AATF: variants seen among roughly 807,000 people sequenced by gnomAD.
AATF encodes apoptosis antagonizing transcription factor.
In AATF, 48 loss-of-function variants were observed where a neutral mutation model predicts 63.7. That is an observed-to-expected ratio of 0.75 (90% CI 0.60 to 0.96). The LOEUF (loss-of-function observed/expected upper bound fraction) is 0.96, where lower values mean the gene tolerates loss of function less well. AATF is among the 40% of genes least tolerant of loss of function. The pLI is 0.00. For missense variants in AATF, 639 were observed against 685.7 expected, an observed-to-expected ratio of 0.93 and a Z score of 0.76; for synonymous variants, 258 against 247.7, an observed-to-expected ratio of 1.04 and a Z score of -0.39.
chr17:37,032,837 A>C (rs780730764), intron 11 of AATF, among the ~76,000 whole-genome samples: 2 of 152,214 alleles, frequency 1.3e-5, no homozygotes, highest in Non-Finnish European at 2.9e-5. Context: ...ATATTTATTT[A>C]GCCATTCACT....
At chr17:37,056,196 C>T (rs1183572101) in intron 11 of AATF, 1 of 163,768 alleles carries the variant, frequency 6.1e-6, no homozygotes, top group East Asian at 1.8e-4. Flanking sequence ...CATTGTTTTT[C>T]AAGTACTGCC....
Position 36,949,224 on chromosome 17 carries a change from C to A in AATF, c.91+8C>A, listed in dbSNP as rs1389266689. The A allele has an allele frequency of 1.3e-6, 2 of 1,582,586 alleles. No homozygotes were observed. Among genetic ancestry groups the A allele is most frequent in the Non-Finnish European group, 1.7e-6 (2 of 1,166,128 alleles). ...AAGCGGACCCCGAGGAAGGTGAGGC[C>A]GGACTGGGGCAGGCCACGTGCGGAG... On this transcript the variant is annotated splice_region_variant and intron_variant, in intron 1 of 11. Transcript: ENST00000619387.
In AATF at chr17:37,020,943, T is replaced by A. The variant is rs1431723015; in HGVS notation, c.1476T>A (p.Leu492=). The A allele has an allele frequency of 1.2e-6, 2 of 1,611,356 alleles. No individual in the cohort carries two copies. The highest frequency in any genetic ancestry group is 1.7e-6 in the Non-Finnish European group (2 of 1,178,714). The change falls in exon 10 of 12, where the codon CTT becomes CTA. Residue 492 remains leucine (L), a synonymous_variant. Coordinates refer to ENST00000619387, the MANE Select transcript of AATF (RefSeq NM_012138.4). ...CTTGTGAATTTTCCAGGCAGTGGCT[T>A]GCAATCCAGAAGTTACGAAGCAAAA... The part of the protein sequence containing the change: ...NDQVAMGRQW[L]AIQKLRSKIH...
intron 5 of AATF, 77 bp from the exon 6 acceptor site, chr17:36,988,441 TC>T: frequency 7.2e-7 from 1 of 1,380,076 alleles, no homozygotes; most frequent in East Asian, 2.4e-5. Flanking sequence ...ATATTCTCAG[TC>T]CTTTATGTGA....
chr17:37,007,299 C>T (rs1042128598), intron 8 of AATF, among the ~76,000 whole-genome samples: 1 of 151,920 alleles, frequency 6.6e-6, no homozygotes, highest in African/African-American at 2.4e-5. Context: ...GCTATCTTTC[C>T]ACCTCAGCCT....
At chr17:37,012,881 C>T (rs575225825) in intron 8 of AATF, among the ~76,000 whole-genome samples, 1 of 152,216 alleles carries the variant, frequency 6.6e-6, no homozygotes, top group South Asian at 2.1e-4. Context: ...AAGAGCTACA[C>T]TATTAATTAT....
At chr17:36,949,332 C>A in intron 1 of AATF, 116 bp downstream of exon 1, 1 of 980,748 alleles carries the variant, frequency 1.0e-6, no homozygotes, top group Non-Finnish European at 1.4e-6. Flanking sequence ...CTTCGCTTGG[C>A]GCAGAGGAAC....
chr17:37,028,201 T>C (rs1178431164), intron 10 of AATF, among the ~76,000 whole-genome samples: 1 of 151,870 alleles, frequency 6.6e-6, no homozygotes, highest in Non-Finnish European at 1.5e-5. Flanking sequence ...CACTTGAATT[T>C]AGGAATTTGA....
intron 8 of AATF, among the ~76,000 whole-genome samples, chr17:37,007,917 C>A (rs905893243): frequency 2.0e-5 from 3 of 152,182 alleles, no homozygotes; most frequent in Non-Finnish European, 4.4e-5. Flanking sequence ...AGGATGACTT[C>A]TGCTCCAGTT....
At chr17:37,045,296 A>G (rs764546622) in intron 11 of AATF, among the ~76,000 whole-genome samples, 25 of 152,226 alleles carry the variant, frequency 1.6e-4, no homozygotes, top group Non-Finnish European at 1.6e-4. Flanking sequence ...TACGTGGTAA[A>G]TAAGACTGAA....
rs145005758 is a variant in AATF at position 36,970,913 on chromosome 17, G to A, written c.833-15704G>A. Among the ~76,000 whole-genome samples the A allele has an allele frequency of 4.4e-3, 669 of 151,846 alleles. 7 individuals are homozygous for A. Among genetic ancestry groups the A allele is most frequent in the African/African-American group, 0.016 (648 of 41,386 alleles). On this transcript the variant is annotated intron_variant, in intron 4 of 11. Coordinates refer to ENST00000619387, the MANE Select transcript of AATF (RefSeq NM_012138.4). ...AAACTTCAACCTGTACCTCATACTT[G>A]ATATAAAAATTAACACAAGACAGTC...
At chr17:37,038,842 C>T (rs1169355375) in intron 11 of AATF, among the ~76,000 whole-genome samples, 1 of 152,070 alleles carries the variant, frequency 6.6e-6, no homozygotes, top group African/African-American at 2.4e-5. Flanking sequence ...GTACTGAGCA[C>T]CAAATACATT....
intron 11 of AATF, among the ~76,000 whole-genome samples, chr17:37,048,418 T>C (rs1421974705): frequency 7.0e-6 from 1 of 143,278 alleles, no homozygotes; most frequent in Non-Finnish European, 1.5e-5. Flanking sequence ...TTGCCCAGGC[T>C]GGAGTGCAAT....
At chr17:36,957,018 A>G (rs903600284) in intron 4 of AATF, among the ~76,000 whole-genome samples, 5 of 152,256 alleles carry the variant, frequency 3.3e-5, no homozygotes, top group African/African-American at 4.8e-5. Flanking sequence ...TCTTGAGCAC[A>G]TTACTCTGGA....
chr17:36,976,821 T>C (rs2071083266), intron 4 of AATF, among the ~76,000 whole-genome samples: 1 of 152,226 alleles, frequency 6.6e-6, no homozygotes, highest in Non-Finnish European at 1.5e-5. Flanking sequence ...AACAATCTTT[T>C]ATTTTCTGAG....
chr17:37,054,363 T>C (rs1409715025), intron 11 of AATF: 6 of 152,228 alleles, frequency 3.9e-5, no homozygotes, highest in Non-Finnish European at 8.8e-5. Context: ...AAGTTTGAGA[T>C]GCTTTGAAGG....
chr17:37,041,167 C>T (rs912060397), intron 11 of AATF, among the ~76,000 whole-genome samples: 1 of 151,996 alleles, frequency 6.6e-6, no homozygotes, highest in Non-Finnish European at 1.5e-5. Flanking sequence ...CAGATATATA[C>T]GTATGTGTTT....
intron 2 of AATF, 33 bp from the exon 3 acceptor site, chr17:36,952,853 C>A: frequency 6.3e-7 from 1 of 1,597,748 alleles, no homozygotes; most frequent in Non-Finnish European, 8.5e-7. Context: ...AGGTAATACC[C>A]ATTTTTCTCT....
intron 8 of AATF, among the ~76,000 whole-genome samples, chr17:37,012,784 G>A (rs573137859): frequency 6.6e-6 from 1 of 152,226 alleles, no homozygotes; most frequent in African/African-American, 2.4e-5. Context: ...GGTATAATGG[G>A]ATATCCACAT....
Sources: gnomAD v4.1 joint callset for allele counts (sites outside exome capture counted in the v4.1 genomes callset) on GRCh38, gnomAD v4.1.1 for gene constraint, MANE v1.5 for transcripts, NCBI Gene and HGNC (gene_info 2026-07-23, HGNC 2026-07-21) for gene names.